The following TTF1 variants were observed in gnomAD, a reference collection of about 807,000 sequenced individuals.
The protein encoded by TTF1 is transcription termination factor, RNA polymerase I.
A neutral mutation model predicts 80.2 loss-of-function variants in TTF1; 64 were observed. That is an observed-to-expected ratio of 0.80 (90% CI 0.65 to 0.98). The LOEUF (loss-of-function observed/expected upper bound fraction) is 0.98, where lower values mean the gene tolerates loss of function less well. Ranked by LOEUF, TTF1 falls within the 50% of genes least tolerant of loss-of-function variation. TTF1 has a pLI of 0.00. For synonymous variants in TTF1, 372 were observed against 382.7 expected (o/e 0.97, Z 0.33); for missense variants, 1,023 against 1,086.2 (o/e 0.94, Z 0.82).
intron 4 of TTF1, among the ~76,000 whole-genome samples, chr9:132,397,665 A>G (rs1488787624): frequency 6.6e-6 from 1 of 152,218 alleles, no homozygotes; most frequent in Non-Finnish European, 1.5e-5. Context: ...ACACATTCCA[A>G]ATCCCAGAAA....
rs1457132550 is a variant in TTF1, at chr9:132,378,367, AATGCATGTGGTGTGTGTGAGTGC to A, written c.2464+669_2464+691del. Among the ~76,000 whole-genome samples the A allele has an allele frequency of 3.3e-4, 18 of 54,432 alleles. 2 individuals are homozygous for A. Among genetic ancestry groups the A allele is most frequent in the Admixed American group, 2.0e-3 (8 of 3,980 alleles). 35.7% of individuals were successfully genotyped at this position (54,432 alleles called of 152,430 possible). A position where few individuals can be genotyped will look rare whatever the true frequency, so the allele number is the denominator to read the frequency against. On this transcript the variant is annotated intron_variant, in intron 10 of 10. Transcript: ENST00000334270. ...GGTGTGAGTGCATGTGGTGCGTGTGAATGCATGTGGTGTGTGTGAGTGCATGCATGTGGTGTGAGTGCATGTGG... is the reference window on the plus strand; with the variant it reads ...GGTGTGAGTGCATGTGGTGCGTGTGAATGCATGTGGTGTGAGTGCATGTGG...
At chr9:132,393,977 A>AGT (rs1180132170) in intron 5 of TTF1, among the ~76,000 whole-genome samples, 7 of 151,660 alleles carry the variant, frequency 4.6e-5, no homozygotes. Flanking sequence ...GCTGGAGCAC[A>AGT]GTGGCATGAT....
At chr9:132,376,601 A>T (rs1179338994) in intron 10 of TTF1, among the ~76,000 whole-genome samples, 1 of 151,210 alleles carries the variant, frequency 6.6e-6, no homozygotes, top group East Asian at 1.9e-4. Flanking sequence ...CAGGTTCTGG[A>T]CTCGGTCTAG....
chr9:132,391,338 TAG>T (rs1185127947), intron 6 of TTF1, among the ~76,000 whole-genome samples: 1 of 152,180 alleles, frequency 6.6e-6, no homozygotes, highest in African/African-American at 2.4e-5. Flanking sequence ...CCTTCTTCAC[TAG>T]AGACATTCAC....
intron 5 of TTF1, among the ~76,000 whole-genome samples, chr9:132,395,968 G>C (rs1042568017): frequency 1.3e-5 from 2 of 152,184 alleles, no homozygotes; most frequent in African/African-American, 4.8e-5. Context: ...AATGACAACC[G>C]GGTTAAGCAC....
chr9:132,397,025 G>C (rs1368979693), intron 4 of TTF1, among the ~76,000 whole-genome samples: 2 of 151,952 alleles, frequency 1.3e-5, no homozygotes, highest in Non-Finnish European at 2.9e-5. Context: ...ATGAGCCACC[G>C]CGCCCGGCCT....
chr9:132,391,169 C>A (rs914920321), intron 6 of TTF1, among the ~76,000 whole-genome samples: 3 of 152,168 alleles, frequency 2.0e-5, no homozygotes, highest in Non-Finnish European at 2.9e-5. Context: ...AAAAGCCAGC[C>A]AAATGGCTTT....
chr9:132,386,029 T>C (rs548738120), intron 9 of TTF1, among the ~76,000 whole-genome samples: 2 of 152,302 alleles, frequency 1.3e-5, no homozygotes, highest in South Asian at 2.1e-4. Flanking sequence ...TTTTCAATAA[T>C]TGGAATTGAT....
At chr9:132,403,289 TTCTC>T (rs1004291346) in intron 1 of TTF1, among the ~76,000 whole-genome samples, 4 of 152,306 alleles carry the variant, frequency 2.6e-5, no homozygotes, top group East Asian at 1.9e-4. Flanking sequence ...CTCACTGGAA[TTCTC>T]TCTGTCTGGT....
At chr9:132,377,013 G>A (rs966309650) in intron 10 of TTF1, among the ~76,000 whole-genome samples, 9 of 152,194 alleles carry the variant, frequency 5.9e-5, no homozygotes, top group Non-Finnish European at 1.2e-4. Context: ...ACATGGCTCT[G>A]ATGATCTGAG....
intron 2 of TTF1, among the ~76,000 whole-genome samples, chr9:132,400,963 GTT>G (rs1426728323): frequency 2.6e-5 from 4 of 152,308 alleles, no homozygotes. Flanking sequence ...TACCTGCCAA[GTT>G]TACACAATTA....
Position 132,375,996 on chromosome 9 carries a change from T to C in TTF1, c.2637A>G (p.Lys879=). Residue 879 remains lysine, a synonymous_variant, in exon 11 of 11, where the codon AAA becomes AAG. Transcript: ENST00000334270. ...EDDSEGEDIE[K]ESEGQAPCMA... ...TGCATGGCGCCTGGCCTTCGCTTTCTTTTTCTATGTCCTCTCCTTCACTAT... is the reference window on the plus strand; with the variant it reads ...TGCATGGCGCCTGGCCTTCGCTTTCCTTTTCTATGTCCTCTCCTTCACTAT... 1 of 1,614,118 alleles carries C rather than the reference T, an allele frequency of 6.2e-7. No homozygotes were observed. The highest frequency in any genetic ancestry group is 8.5e-7 in the Non-Finnish European group (1 of 1,180,026).
At position 132,390,624 on chromosome 9, in the gene TTF1, C is replaced by T; in HGVS notation, c.2195G>A (p.Arg732Lys). 1 of 1,614,196 alleles carries T rather than the reference C, an allele frequency of 6.2e-7. No homozygotes were observed. Among genetic ancestry groups the T allele is most frequent in the African/African-American group, 1.3e-5 (1 of 75,056 alleles). ...CTTACTTTTACACTGCATCCAATTT[C>T]TGGTTTGCACTTTAGCTTCTACTTC... Reference protein sequence around the residue: ...WVEVEAKVQTRNWMQCKSKWT... With the variant: ...WVEVEAKVQTKNWMQCKSKWT... The change falls in exon 7 of 11, where the codon AGA becomes AAA. Residue 732 changes from arginine (R) to lysine (K), a missense_variant. Coordinates refer to ENST00000334270, the MANE Select transcript of TTF1 (RefSeq NM_007344.4).
intron 9 of TTF1, among the ~76,000 whole-genome samples, chr9:132,383,250 CAAA>C (rs35384741): frequency 1.9e-3 from 237 of 125,334 alleles, no homozygotes; most frequent in Admixed American, 2.4e-3. Context: ...CTCTTGTCTT[CAAA>C]AAAAAAAAAA....
rs1283049416 is a variant in TTF1 at position 132,377,527 on chromosome 9, G to A, written c.2465-1359C>T. On this transcript the variant is annotated intron_variant, in intron 10 of 10. Coordinates refer to ENST00000334270, the MANE Select transcript of TTF1 (RefSeq NM_007344.4). ...ATGCATGTGGTGTGAGTGCATGCATGTAGTGTGAGTGCATGTGGTGTGTGT... is the reference window on the plus strand; with the variant it reads ...ATGCATGTGGTGTGAGTGCATGCATATAGTGTGAGTGCATGTGGTGTGTGT... Among the ~76,000 whole-genome samples, 4 of 128,152 alleles carry A rather than the reference G, an allele frequency of 3.1e-5. 1 individual carries two copies. The Admixed American group carries it at 3.4e-4, about 11-fold the overall frequency. The allele number at this position is 128,152 out of a possible 152,430, so 84.1% of individuals were successfully genotyped here.
At chr9:132,387,536 G>A (rs909691522) in intron 8 of TTF1, among the ~76,000 whole-genome samples, 3 of 152,164 alleles carry the variant, frequency 2.0e-5, no homozygotes, top group African/African-American at 7.2e-5. Flanking sequence ...CAGGGCTCAC[G>A]TGTGAGGCAG....
chr9:132,380,973 G>A (rs1047824167), intron 9 of TTF1, among the ~76,000 whole-genome samples: 3 of 151,930 alleles, frequency 2.0e-5, no homozygotes, highest in Non-Finnish European at 2.9e-5. Context: ...ATGCAGTGGC[G>A]TGATCTCGGG....
At chr9:132,385,713 C>T (rs1392367861) in intron 9 of TTF1, among the ~76,000 whole-genome samples, 1 of 152,178 alleles carries the variant, frequency 6.6e-6, no homozygotes, top group Non-Finnish European at 1.5e-5. Context: ...CTTTTTGGTA[C>T]CATGCTATCT....
intron 9 of TTF1, among the ~76,000 whole-genome samples, chr9:132,385,051 G>C (rs966402582): frequency 6.6e-6 from 1 of 152,134 alleles, no homozygotes; most frequent in Non-Finnish European, 1.5e-5. Context: ...CTTATGGGTG[G>C]GGCATGATAT....
Sources: allele counts gnomAD v4.1 joint callset (sites outside exome capture counted in the v4.1 genomes callset), GRCh38; gene constraint gnomAD v4.1.1; transcripts MANE v1.5; gene names NCBI Gene and HGNC (gene_info 2026-07-23, HGNC 2026-07-21).